PPM1D: variants seen among roughly 807,000 people sequenced by gnomAD.
The protein encoded by PPM1D is protein phosphatase, Mg2+/Mn2+ dependent 1D.
In PPM1D, 52 loss-of-function variants were observed where a neutral mutation model predicts 58.3. That is an observed-to-expected ratio of 0.89 (90% confidence interval 0.71 to 1.12). PPM1D has a LOEUF of 1.12. Ranked by LOEUF, PPM1D falls within the 50% of genes most tolerant of loss-of-function variation. The pLI, the probability that PPM1D is intolerant of heterozygous loss-of-function variation, is 0.00. For missense variants in PPM1D, 564 were observed against 777.2 expected (o/e 0.73, Z 3.26); for synonymous variants, 278 against 285.1 (o/e 0.98, Z 0.25).
chr17:60,613,469 C>T (rs965526084), intron 1 of PPM1D, among the ~76,000 whole-genome samples: 2 of 152,264 alleles, frequency 1.3e-5, no homozygotes, highest in Non-Finnish European at 2.9e-5. Flanking sequence ...TGGCAGCCCT[C>T]GCTGGCTCTC....
chr17:60,665,625 C>T lies in PPM1D; in HGVS notation c.*2073C>T, dbSNP rs921703146. The T allele has an allele frequency of 1.3e-5, 2 of 152,130 alleles. No homozygotes were observed. Among genetic ancestry groups the T allele is most frequent in the African/African-American group, 2.4e-5 (1 of 41,386 alleles). 9.4% of individuals were successfully genotyped at this position (152,130 alleles called of 1,614,324 possible). ...GGATTAAAATATGTATTCATTGCTA[C>T]AAAACAATATCTCGAAATTTAGCAG... On this transcript the variant is annotated 3_prime_UTR_variant, in exon 6 of 6. Coordinates refer to ENST00000305921, the MANE Select transcript of PPM1D (RefSeq NM_003620.4).
At chr17:60,615,360 A>G (rs1407257995) in intron 1 of PPM1D, among the ~76,000 whole-genome samples, 1 of 152,126 alleles carries the variant, frequency 6.6e-6, no homozygotes, top group Non-Finnish European at 1.5e-5. Flanking sequence ...TGGTGAGCCA[A>G]GATCATGCCA....
chr17:60,616,267 G>C (rs952814961), intron 1 of PPM1D, among the ~76,000 whole-genome samples: 3 of 142,364 alleles, frequency 2.1e-5, no homozygotes, highest in African/African-American at 8.1e-5. Context: ...TAGCCTGGGC[G>C]ACAGAGCAAG....
At chr17:60,650,954 C>T (rs2031332138) in intron 4 of PPM1D, among the ~76,000 whole-genome samples, 1 of 152,110 alleles carries the variant, frequency 6.6e-6, no homozygotes, top group Non-Finnish European at 1.5e-5. Context: ...GTGAGACCCT[C>T]ATCTCTTTAA....
chr17:60,603,501 G>T (rs923411689), intron 1 of PPM1D, among the ~76,000 whole-genome samples: 1 of 152,170 alleles, frequency 6.6e-6, no homozygotes, highest in Non-Finnish European at 1.5e-5. Context: ...CCGGGCGCAC[G>T]CCTGTAATCC....
chr17:60,662,952 G>A (rs761128970), intron 5 of PPM1D, 43 bp from the exon 6 acceptor site: 13 of 1,525,528 alleles, frequency 8.5e-6, no homozygotes, highest in South Asian at 5.0e-5. Flanking sequence ...GTTGAGTTCT[G>A]GGATAAATTT....
chr17:60,634,060 C>T lies in PPM1D; in HGVS notation c.826+83C>T, dbSNP rs909739048. 17 of 1,478,538 alleles carry T rather than the reference C, an allele frequency of 1.1e-5. No individual in the cohort carries two copies. In the African/African-American group the frequency reaches 1.5e-4, roughly 13 times the overall value. The allele number at this position is 1,478,538 out of a possible 1,614,324, so 91.6% of individuals were successfully genotyped here. On this transcript the variant is annotated intron_variant, in intron 3 of 5. Coordinates refer to ENST00000305921, the MANE Select transcript of PPM1D (RefSeq NM_003620.4). ...AAATAAAAGAGGAGACAGAACTAAA[C>T]CCTTACTTGGCATATAGTGAGGGTA...
chr17:60,605,964 C>T (rs915667922), intron 1 of PPM1D, among the ~76,000 whole-genome samples: 4 of 152,058 alleles, frequency 2.6e-5, no homozygotes, highest in African/African-American at 9.7e-5. Context: ...AATTTAGTGG[C>T]GTTAAGTGTA....
At chr17:60,610,891 A>G (rs535059895) in intron 1 of PPM1D, among the ~76,000 whole-genome samples, 1 of 152,340 alleles carries the variant, frequency 6.6e-6, no homozygotes, top group East Asian at 1.9e-4. Context: ...CCCCTGAAGA[A>G]GTGTAGGAGA....
In PPM1D at chr17:60,665,588, C is replaced by T. The variant is rs1370037785; in HGVS notation, c.*2036C>T. ...AGAAGATAATTCTTGATCGGTGTGT[C>T]TTATGCCACAAGGATTAAAATATGT... On this transcript the variant is annotated 3_prime_UTR_variant, in exon 6 of 6. Coordinates refer to ENST00000305921, the MANE Select transcript of PPM1D (RefSeq NM_003620.4). The T allele has an allele frequency of 6.6e-6, 1 of 152,220 alleles. No individual in the cohort carries two copies. Among genetic ancestry groups the T allele is most frequent in the Non-Finnish European group, 1.5e-5 (1 of 68,036 alleles). The allele number at this position is 152,220 out of a possible 1,614,324, so 9.4% of individuals were successfully genotyped here. A position where few individuals can be genotyped will look rare whatever the true frequency, so the allele number is the denominator to read the frequency against.
In PPM1D at chr17:60,663,185, T is replaced by C. The variant is rs766524048; in HGVS notation, c.1451T>C (p.Leu484Ser). 1.2e-6 allele frequency: 2 copies of C among 1,614,158 alleles called. No homozygotes were observed. The highest frequency in any genetic ancestry group is 1.7e-6 in the Non-Finnish European group (2 of 1,179,976). Residue 484 changes from leucine to serine, a missense_variant, in exon 6 of 6, where the codon TTA (leucine) becomes TCA (serine). This residue lies in a region of PPM1D where 261 missense variants were observed against 270.1 expected (regional missense o/e 0.97). Transcript: ENST00000305921. ...LEENCAKALT[L>S]RIHDSLNNSL... ...GAAAATTGCGCTAAAGCCCTGACTT[T>C]AAGGATACATGATTCTTTGAATAAT...
intron 5 of PPM1D, among the ~76,000 whole-genome samples, chr17:60,662,072 C>G (rs2143729160): frequency 6.6e-6 from 1 of 152,288 alleles, no homozygotes; most frequent in Non-Finnish European, 1.5e-5. Context: ...TCTCTGCTCT[C>G]TGCAGCCTCC....
chr17:60,628,349 GACAT>G (rs2030852826), intron 2 of PPM1D, among the ~76,000 whole-genome samples: 1 of 152,128 alleles, frequency 6.6e-6, no homozygotes, highest in East Asian at 1.9e-4. Context: ...AACCTACACT[GACAT>G]ACTGTTATCA....
intron 2 of PPM1D, among the ~76,000 whole-genome samples, chr17:60,629,809 G>A (rs142008591): frequency 0.011 from 1,679 of 152,216 alleles, 27 homozygotes; most frequent in African/African-American, 0.036. Context: ...AGCCTGAGGC[G>A]GGCGGATCAC....
chr17:60,616,070 A>G (rs949185100), intron 1 of PPM1D, among the ~76,000 whole-genome samples: 5 of 151,848 alleles, frequency 3.3e-5, no homozygotes, highest in Non-Finnish European at 4.4e-5. Context: ...CAATGGCATG[A>G]TCTCGGCTCA....
At chr17:60,611,123 C>T (rs528748132) in intron 1 of PPM1D, among the ~76,000 whole-genome samples, 20 of 152,200 alleles carry the variant, frequency 1.3e-4, no homozygotes, top group African/African-American at 4.8e-4. Flanking sequence ...CAGGTTCATG[C>T]GATCCTCCTG....
chr17:60,648,138 T>C (rs2031281202), intron 4 of PPM1D, 56 bp downstream of exon 4: 24 of 1,535,134 alleles, frequency 1.6e-5, no homozygotes, highest in Non-Finnish European at 2.0e-5. Context: ...TTGGTACTTC[T>C]GTCAGAATCT....
At chr17:60,650,777 A>G (rs1223981444) in intron 4 of PPM1D, among the ~76,000 whole-genome samples, 1 of 152,048 alleles carries the variant, frequency 6.6e-6, no homozygotes, top group Admixed American at 6.5e-5. Flanking sequence ...CTAGATAGAT[A>G]TCTTCAGTAG....
intron 1 of PPM1D, among the ~76,000 whole-genome samples, chr17:60,605,440 TTTAA>T (rs1345271762): frequency 6.6e-6 from 1 of 152,238 alleles, no homozygotes; most frequent in African/African-American, 2.4e-5. Flanking sequence ...CTTACTCATC[TTTAA>T]TTGTTTTAGG....
Sources: allele counts gnomAD v4.1 joint callset (sites outside exome capture counted in the v4.1 genomes callset), GRCh38; gene constraint gnomAD v4.1.1; regional missense constraint gnomAD v4.1.1; transcripts MANE v1.5; gene names NCBI Gene and HGNC (gene_info 2026-07-23, HGNC 2026-07-21).